Variants in BCAS3 observed in about 807,000 individuals in gnomAD.
The protein encoded by BCAS3 is BCAS3 microtubule associated cell migration factor.
BCAS3 carries 53 observed loss-of-function variants against 116.1 expected under a neutral mutation model. The observed-to-expected ratio is 0.46, with a 90% CI of 0.37 to 0.57. The LOEUF is 0.57. BCAS3 is among the 20% of genes least tolerant of loss of function. BCAS3 has a pLI of 0.00. For synonymous variants in BCAS3, 391 were observed against 408.2 expected (o/e 0.96, Z 0.51); for missense variants, 917 against 1,165.4 (o/e 0.79, Z 3.10).
intron 6 of BCAS3, among the ~76,000 whole-genome samples, chr17:60,771,853 G>T (rs1239022485): frequency 6.6e-6 from 1 of 152,110 alleles, no homozygotes; most frequent in Non-Finnish European, 1.5e-5. Flanking sequence ...ATGGTTTCCA[G>T]CTTCATCCAT....
rs535063730 is a variant in BCAS3 at position 61,376,936 on chromosome 17, G to A, written c.2593+8442G>A. Among the ~76,000 whole-genome samples the A allele has an allele frequency of 5.9e-5, 9 of 152,272 alleles. No homozygotes were observed. In the South Asian group the frequency reaches 6.2e-4, roughly 11 times the overall value. ...GGTTGGGGCAGGCAGGGTCTCCATCGGTATCTGCCAGTTTCTTCCCCAATA... is the reference window on the plus strand; with the variant it reads ...GGTTGGGGCAGGCAGGGTCTCCATCAGTATCTGCCAGTTTCTTCCCCAATA... On this transcript the variant is annotated intron_variant, in intron 23 of 23. Transcript: ENST00000407086. This position sits in a 1 kb window ranked among gnomAD's most constrained non-coding sequence, Gnocchi z 4.5.
intron 22 of BCAS3, among the ~76,000 whole-genome samples, chr17:61,103,420 A>T (rs2074448443): frequency 6.6e-6 from 1 of 152,178 alleles, no homozygotes; most frequent in Non-Finnish European, 1.5e-5. Context: ...CTGACCTGAA[A>T]TTAACCAGTT....
At chr17:61,321,922 T>TTTTGTTTG (rs371688049) in intron 22 of BCAS3, among the ~76,000 whole-genome samples, 1 of 145,718 alleles carries the variant, frequency 6.9e-6, no homozygotes, top group Non-Finnish European at 1.5e-5. Context: ...CTATCCCGTT[T>TTTTGTTTG]TTTGTTTGTT....
intron 22 of BCAS3, among the ~76,000 whole-genome samples, chr17:61,146,961 C>A (rs891232960): frequency 6.6e-6 from 1 of 152,098 alleles, no homozygotes; most frequent in African/African-American, 2.4e-5. Context: ...ATTGCCCAGG[C>A]TGGAGTGCAG....
intron 15 of BCAS3, among the ~76,000 whole-genome samples, chr17:61,015,180 C>CA (rs1340181021): frequency 6.6e-6 from 1 of 152,140 alleles, no homozygotes; most frequent in Non-Finnish European, 1.5e-5. Flanking sequence ...CTAAGCAGGG[C>CA]AACAAACCAC....
rs1486686083 is a variant in BCAS3 at position 61,251,093 on chromosome 17, C to A, written c.2426-117234C>A. Among the ~76,000 whole-genome samples the A allele has an allele frequency of 6.6e-6, 1 of 152,200 alleles. No homozygotes were observed. The highest frequency in any genetic ancestry group is 1.5e-5 in the Non-Finnish European group (1 of 68,026). On this transcript the variant is annotated intron_variant, in intron 22 of 23. Coordinates refer to ENST00000407086, the MANE Select transcript of BCAS3 (RefSeq NM_017679.5). The surrounding 1 kb of genome is among the most constrained non-coding windows in gnomAD (Gnocchi z 4.7). ...AACCCTTCATTCAGAAAGGTCATTT[C>A]ATTTCCTGTGAGCCAGTCTTACATC... is the stretch of plus-strand genomic sequence containing the variant.
At chr17:60,779,762 C>G (rs187961334) in intron 6 of BCAS3, among the ~76,000 whole-genome samples, 1 of 152,122 alleles carries the variant, frequency 6.6e-6, no homozygotes, top group Non-Finnish European at 1.5e-5. Flanking sequence ...CTGAAATGCT[C>G]CTGTTCCCAA....
chr17:60,770,400 CTTTTTTTTTTTTTTTT>C (rs35691381), intron 6 of BCAS3, among the ~76,000 whole-genome samples: 61 of 76,896 alleles, frequency 7.9e-4, no homozygotes, highest in East Asian at 4.7e-3. Context: ...AGTGTTCCCT[CTTTTTTTTTTTTTTTT>C]TTTTTTTTTT....
intron 7 of BCAS3, among the ~76,000 whole-genome samples, chr17:60,826,073 G>C (rs1478581844): frequency 6.6e-6 from 1 of 151,682 alleles, no homozygotes; most frequent in African/African-American, 2.4e-5. Flanking sequence ...TGTTGGCCAG[G>C]CTGGTCTCAA....
chr17:61,388,913 TCA>T lies in BCAS3; in HGVS notation c.2594-3063_2594-3062del. 1.8e-6 allele frequency: 1 copy of T among 569,306 alleles called. No homozygotes were observed. 35.3% of individuals were successfully genotyped at this position (569,306 alleles called of 1,614,324 possible). ...CGGGGCCAGCAGGCCCCCGATTCTT[TCA>T]GTTAGTCTGTGTTGAAGAATGGGCC... On this transcript the variant is annotated intron_variant, in intron 23 of 23. Transcript: ENST00000407086. This position sits in a 1 kb window ranked among gnomAD's most constrained non-coding sequence, Gnocchi z 6.5.
chr17:61,024,104 T>C (rs1311248433), intron 16 of BCAS3, among the ~76,000 whole-genome samples: 1 of 152,156 alleles, frequency 6.6e-6, no homozygotes, highest in Non-Finnish European at 1.5e-5. Flanking sequence ...AAGTCATAGG[T>C]GAAGACAGCT....
At chr17:61,318,972 G>C (rs2054973729) in intron 22 of BCAS3, among the ~76,000 whole-genome samples, 1 of 152,220 alleles carries the variant, frequency 6.6e-6, no homozygotes, top group Non-Finnish European at 1.5e-5. Context: ...GTTTGACCTG[G>C]TTCTGCCAGG....
intron 22 of BCAS3, among the ~76,000 whole-genome samples, chr17:61,331,391 G>C (rs1602741668): frequency 7.2e-5 from 11 of 152,194 alleles, no homozygotes; most frequent in Admixed American, 6.5e-4. Context: ...AATTTCTTTG[G>C]GAGTGGGGAG....
intron 9 of BCAS3, among the ~76,000 whole-genome samples, chr17:60,888,714 A>T (rs1215547583): frequency 6.6e-6 from 1 of 152,216 alleles, no homozygotes; most frequent in Admixed American, 6.5e-5. Context: ...TATTGCAAAC[A>T]TACTCCTTCA....
At chr17:60,824,350 A>G (rs2050202675) in intron 7 of BCAS3, among the ~76,000 whole-genome samples, 1 of 152,064 alleles carries the variant, frequency 6.6e-6, no homozygotes, top group South Asian at 2.1e-4. Context: ...CCTTACCTTC[A>G]GCTCCTTTCT....
chr17:60,684,126 C>A, intron 3 of BCAS3, 90 bp downstream of exon 3: 1 of 1,233,348 alleles, frequency 8.1e-7, no homozygotes, highest in Non-Finnish European at 1.2e-6. Context: ...GTACCAGCAA[C>A]TTCCAAAAGG....
chr17:61,371,802 T>C (rs1392753301), intron 23 of BCAS3, among the ~76,000 whole-genome samples: 2 of 152,230 alleles, frequency 1.3e-5, no homozygotes, highest in East Asian at 3.8e-4. Context: ...CCTCAGGCCA[T>C]GCCCAGCCCT....
At chr17:60,845,648 G>T (rs951796992) in intron 7 of BCAS3, among the ~76,000 whole-genome samples, 6 of 152,120 alleles carry the variant, frequency 3.9e-5, no homozygotes, top group Non-Finnish European at 8.8e-5. Flanking sequence ...GCTTAAAGAA[G>T]ATCACAATCT....
chr17:60,746,175 G>A (rs2041998550), intron 5 of BCAS3, among the ~76,000 whole-genome samples: 1 of 152,072 alleles, frequency 6.6e-6, no homozygotes, highest in Admixed American at 6.5e-5. Flanking sequence ...CTCTGATAGT[G>A]CATATTTCAT....
Sources: gnomAD v4.1 joint callset for allele counts (sites outside exome capture counted in the v4.1 genomes callset) on GRCh38, gnomAD v4.1.1 for gene constraint, Gnocchi (gnomAD v3.1) non-coding constraint, MANE v1.5 for transcripts, NCBI Gene and HGNC (gene_info 2026-07-23, HGNC 2026-07-21) for gene names.